BTD: variants seen among roughly 807,000 people sequenced by gnomAD.
BTD encodes the protein biocytinase.
Under a neutral mutation model 17.7 loss-of-function variants are expected in BTD, and 13 were observed. That is an observed-to-expected ratio of 0.74 (90% CI 0.48 to 1.17). The LOEUF is 1.17. BTD is among the 50% of genes most tolerant of loss of function. The pLI is 0.00. For synonymous variants in BTD, 240 were observed against 245.2 expected, an observed-to-expected ratio of 0.98 and a Z score of 0.20; for missense variants, 674 against 650.4, an observed-to-expected ratio of 1.04 and a Z score of -0.39.
At chr3:15,685,599 G>C (rs964872741) in intron 3 of BTD, among the ~76,000 whole-genome samples, 1 of 152,062 alleles carries the variant, frequency 6.6e-6, no homozygotes, top group African/African-American at 2.4e-5. Flanking sequence ...ATTTTTATTG[G>C]AAGTGGTTTA....
At chr3:15,643,237 A>G (rs1329116926) in intron 3 of BTD, among the ~76,000 whole-genome samples, 2 of 152,140 alleles carry the variant, frequency 1.3e-5, no homozygotes, top group African/African-American at 2.4e-5. Context: ...ACAGTGCTTC[A>G]CATCTGTAAT....
chr3:15,616,785 T>C (rs1036952253), intron 1 of BTD, among the ~76,000 whole-genome samples: 2 of 152,190 alleles, frequency 1.3e-5, no homozygotes, highest in African/African-American at 4.8e-5. Flanking sequence ...TATTGCTATT[T>C]GTGTATCTTC....
intron 3 of BTD, among the ~76,000 whole-genome samples, chr3:15,706,107 T>G (rs186152907): frequency 6.6e-6 from 1 of 152,246 alleles, no homozygotes; most frequent in East Asian, 1.9e-4. Context: ...TTTTTTATTG[T>G]TATACTTTGT....
At chr3:15,707,951 T>C (rs770844241) in intron 3 of BTD, 4 of 1,612,922 alleles carry the variant, frequency 2.5e-6, no homozygotes, top group South Asian at 2.2e-5. Flanking sequence ...TGTAGCTGCA[T>C]AGTGCAGGGG....
At chr3:15,616,976 G>T (rs1208206409) in intron 1 of BTD, among the ~76,000 whole-genome samples, 2 of 152,104 alleles carry the variant, frequency 1.3e-5, no homozygotes, top group Non-Finnish European at 2.9e-5. Flanking sequence ...GGGACTACAG[G>T]CACGAGCCAC....
intron 1 of BTD, among the ~76,000 whole-genome samples, chr3:15,604,214 C>A (rs1382169365): frequency 6.6e-6 from 1 of 152,270 alleles, no homozygotes; most frequent in Non-Finnish European, 1.5e-5. Flanking sequence ...GACATCCAGG[C>A]ATTTCCATAC....
At chr3:15,700,886 T>C (rs1262635725) in intron 3 of BTD, among the ~76,000 whole-genome samples, 1 of 152,174 alleles carries the variant, frequency 6.6e-6, no homozygotes, top group Non-Finnish European at 1.5e-5. Flanking sequence ...AAAAGTGAAA[T>C]AGCCTCTGTT....
chr3:15,616,348 C>G (rs1205350468), intron 1 of BTD, among the ~76,000 whole-genome samples: 1 of 152,134 alleles, frequency 6.6e-6, no homozygotes, highest in South Asian at 2.1e-4. Flanking sequence ...GGCGCGGTGG[C>G]TCACACCTGT....
intron 3 of BTD, among the ~76,000 whole-genome samples, chr3:15,701,434 C>T (rs1385987084): frequency 5.3e-5 from 8 of 152,074 alleles, no homozygotes; most frequent in South Asian, 2.1e-4. Context: ...CACCTGAGGT[C>T]GGGAGTTCAA....
rs192220396 is a variant in BTD at position 15,698,314 on chromosome 3, C to T, written c.400-11746C>T. 5.8e-3 allele frequency among the ~76,000 whole-genome samples: 883 copies of T among 152,264 alleles called. 5 individuals are homozygous for T. Among genetic ancestry groups the T allele is most frequent in the African/African-American group, 0.02 (842 of 41,554 alleles). On this transcript the variant is annotated intron_variant, in intron 3 of 3. Coordinates refer to the BTD transcript ENST00000672141. ...AATGGGCAAAAACTGGAAGCATTCC[C>T]TTTGAAAACTGGCACAAGACAGGGA...
chr3:15,618,708 A>G (rs1396512065), intron 1 of BTD, among the ~76,000 whole-genome samples: 1 of 151,898 alleles, frequency 6.6e-6, no homozygotes, highest in African/African-American at 2.4e-5. Context: ...TGTATTTTTC[A>G]TAGAGATGGG....
At chr3:15,664,598 G>A (rs1045536703) in intron 3 of BTD, among the ~76,000 whole-genome samples, 1 of 151,958 alleles carries the variant, frequency 6.6e-6, no homozygotes, top group African/African-American at 2.4e-5. Flanking sequence ...GTTTTATCAC[G>A]GCTCTTATGA....
intron 3 of BTD, chr3:15,690,324 C>CAAGTAGGATAATAA: frequency 2.1e-6 from 2 of 951,406 alleles, no homozygotes; most frequent in Non-Finnish European, 3.0e-6. Flanking sequence ...TATTATTATC[C>CAAGTAGGATAATAA]TACTTGAGAT....
At chr3:15,704,850 G>C (rs147697825) in intron 3 of BTD, among the ~76,000 whole-genome samples, 8 of 152,190 alleles carry the variant, frequency 5.3e-5, no homozygotes, top group Non-Finnish European at 8.8e-5. Flanking sequence ...ACAAATCATT[G>C]AATCAATAAA....
chr3:15,635,898 A>C lies in BTD; in HGVS notation c.249+210A>C, dbSNP rs904902557. ...GGCATCCCCTGGGAGCTTGTTAGAAATACAAAATCTTGGGCGGCACCCCAG... is the reference window on the plus strand; with the variant it reads ...GGCATCCCCTGGGAGCTTGTTAGAACTACAAAATCTTGGGCGGCACCCCAG... On this transcript the variant is annotated intron_variant, in intron 2 of 3. Transcript: ENST00000643237. This position sits in a 1 kb window ranked among gnomAD's most constrained non-coding sequence, Gnocchi z 4.1. 6.6e-6 allele frequency among the ~76,000 whole-genome samples: 1 copy of C among 152,194 alleles called. No individual in the cohort carries two copies. Among genetic ancestry groups the C allele is most frequent in the Admixed American group, 6.5e-5 (1 of 15,282 alleles).
intron 4 of BTD, among the ~76,000 whole-genome samples, chr3:15,718,207 T>C (rs560478901): frequency 1.3e-5 from 2 of 152,264 alleles, no homozygotes; most frequent in African/African-American, 4.8e-5. Flanking sequence ...ACATGGGAAA[T>C]GTGTTTCAAC....
downstream of BTD, among the ~76,000 whole-genome samples, chr3:15,656,618 TATTCCTAGAGC>T (rs1452552265): frequency 1.3e-5 from 2 of 152,230 alleles, no homozygotes; most frequent in Admixed American, 6.5e-5. Flanking sequence ...ACTGAGCACT[TATTCCTAGAGC>T]ATTTTTATAT....
exon 4 of BTD, among the ~76,000 whole-genome samples, chr3:15,712,575 A>C (rs1265231796): frequency 6.6e-6 from 1 of 152,212 alleles, no homozygotes; most frequent in Non-Finnish European, 1.5e-5. Flanking sequence ...GTGACAACCA[A>C]AAATGTATCT....
intron 3 of BTD, chr3:15,694,953 A>G: frequency 2.4e-6 from 2 of 827,272 alleles, no homozygotes; most frequent in Non-Finnish European, 3.9e-6. Flanking sequence ...ATGAAAGTAT[A>G]CTAAGGACCA....
Sources: allele counts gnomAD v4.1 joint callset (sites outside exome capture counted in the v4.1 genomes callset), GRCh38; gene constraint gnomAD v4.1.1; non-coding constraint Gnocchi (gnomAD v3.1); transcripts MANE v1.5; gene names NCBI Gene and HGNC (gene_info 2026-07-23, HGNC 2026-07-21).